DPP10: variants seen among roughly 807,000 people sequenced by gnomAD.
DPP10 encodes the protein inactive dipeptidyl peptidase 10.
In DPP10, 33 loss-of-function variants were observed where a neutral mutation model predicts 120.9. The observed-to-expected ratio is 0.27, with a 90% CI of 0.21 to 0.37. The LOEUF (loss-of-function observed/expected upper bound fraction) is 0.37, where lower values mean the gene tolerates loss of function less well. Among genes scored for constraint, DPP10 ranks in the 10% least tolerant of loss-of-function variants. The pLI, the probability that DPP10 is intolerant of heterozygous loss-of-function variation, is 1.00. For synonymous variants in DPP10, 337 were observed against 326.1 expected, an observed-to-expected ratio of 1.03 and a Z score of -0.36; for missense variants, 816 against 942.8, an observed-to-expected ratio of 0.87 and a Z score of 1.76.
intron 1 of DPP10, among the ~76,000 whole-genome samples, chr2:114,594,424 A>ATATGTAAAAGG (rs1691725477): frequency 6.7e-6 from 1 of 148,754 alleles, no homozygotes; most frequent in African/African-American, 2.4e-5. Flanking sequence ...GTGAATACAT[A>ATATGTAAAAGG]TATGTAAAAG....
At chr2:114,937,619 C>A (rs765268292) in intron 1 of DPP10, among the ~76,000 whole-genome samples, 1 of 152,118 alleles carries the variant, frequency 6.6e-6, no homozygotes, top group Non-Finnish European at 1.5e-5. Flanking sequence ...GGTCTTGTGC[C>A]GGTCTTTAGC....
At chr2:114,551,382 C>G (rs977418049) in intron 1 of DPP10, among the ~76,000 whole-genome samples, 1 of 152,158 alleles carries the variant, frequency 6.6e-6, no homozygotes, top group Non-Finnish European at 1.5e-5. Flanking sequence ...CTCAAGTGAT[C>G]AAGGCTATAA....
At chr2:114,724,344 C>T (rs929414846) in intron 1 of DPP10, among the ~76,000 whole-genome samples, 9 of 152,184 alleles carry the variant, frequency 5.9e-5, no homozygotes, top group Non-Finnish European at 1.0e-4. Flanking sequence ...TCAATGTTAT[C>T]GCTGTATTGT....
At chr2:114,746,443 C>A (rs1220243019) in intron 1 of DPP10, among the ~76,000 whole-genome samples, 1 of 152,098 alleles carries the variant, frequency 6.6e-6, no homozygotes, top group Admixed American at 6.6e-5. Context: ...AAAATCAATA[C>A]ATTTGTTAAC....
intron 1 of DPP10, among the ~76,000 whole-genome samples, chr2:115,229,752 A>ATTCTATTCTT (rs2057642454): frequency 7.3e-6 from 1 of 136,198 alleles, no homozygotes; most frequent in Non-Finnish European, 1.6e-5. Flanking sequence ...ATTCTATTCT[A>ATTCTATTCTT]TTGGTCTATG....
intron 5 of DPP10, among the ~76,000 whole-genome samples, chr2:115,622,748 G>C (rs552015467): frequency 6.7e-6 from 1 of 150,350 alleles, no homozygotes; most frequent in East Asian, 1.9e-4. Flanking sequence ...CATTTCAGTG[G>C]ATCCCTAATG....
At chr2:114,954,326 A>G (rs912762370) in intron 1 of DPP10, among the ~76,000 whole-genome samples, 14 of 151,622 alleles carry the variant, frequency 9.2e-5, no homozygotes, top group Middle Eastern at 3.2e-3. Flanking sequence ...CTCATGATCC[A>G]CCCACCTCGG....
chr2:114,484,455 T>C (rs1681323296), intron 1 of DPP10, among the ~76,000 whole-genome samples: 1 of 152,148 alleles, frequency 6.6e-6, no homozygotes, highest in Non-Finnish European at 1.5e-5. Context: ...ATTTTTGAGG[T>C]CTTAATAACA....
chr2:115,832,576 C>CTA (rs1689041338), intron 21 of DPP10, among the ~76,000 whole-genome samples: 1 of 152,104 alleles, frequency 6.6e-6, no homozygotes, highest in Non-Finnish European at 1.5e-5. Flanking sequence ...ATTTTAAATG[C>CTA]TATAAATAGA....
intron 5 of DPP10, among the ~76,000 whole-genome samples, chr2:115,643,971 G>T (rs375253983): frequency 3.3e-5 from 5 of 152,046 alleles, no homozygotes; most frequent in Non-Finnish European, 5.9e-5. Flanking sequence ...GTACTTTCCT[G>T]TCATTGCCAT....
intron 1 of DPP10, among the ~76,000 whole-genome samples, chr2:114,994,437 G>A (rs1339040282): frequency 1.3e-5 from 2 of 152,044 alleles, no homozygotes; most frequent in Non-Finnish European, 2.9e-5. Context: ...AACTTATATT[G>A]GGTATTTCTT....
chr2:114,887,066 T>A (rs1692134235), intron 1 of DPP10, among the ~76,000 whole-genome samples: 1 of 152,214 alleles, frequency 6.6e-6, no homozygotes, highest in African/African-American at 2.4e-5. Flanking sequence ...CCATTCCACC[T>A]TCATTATTTC....
chr2:115,731,880 T>C (rs2092919345), intron 8 of DPP10, among the ~76,000 whole-genome samples: 2 of 152,132 alleles, frequency 1.3e-5, no homozygotes, highest in Admixed American at 6.5e-5. Context: ...TATTCAGATG[T>C]TTTTGATTTT....
At chr2:114,865,678 G>T (rs983739034) in intron 1 of DPP10, among the ~76,000 whole-genome samples, 7 of 152,158 alleles carry the variant, frequency 4.6e-5, no homozygotes, top group African/African-American at 1.7e-4. Context: ...AGAGGGAACA[G>T]GAAGGAAGAT....
intron 1 of DPP10, among the ~76,000 whole-genome samples, chr2:114,734,065 A>G (rs1388794094): frequency 6.6e-6 from 1 of 152,200 alleles, no homozygotes; most frequent in Admixed American, 6.6e-5. Flanking sequence ...TTACTTTCCA[A>G]TCTGACCCTG....
At chr2:115,029,633 C>T (rs1703706006) in intron 1 of DPP10, among the ~76,000 whole-genome samples, 1 of 151,646 alleles carries the variant, frequency 6.6e-6, no homozygotes, top group Admixed American at 6.6e-5. Flanking sequence ...AGTGTTGGTT[C>T]TTATAGGATA....
intron 1 of DPP10, among the ~76,000 whole-genome samples, chr2:114,509,293 T>C (rs1683940548): frequency 6.6e-6 from 1 of 152,216 alleles, no homozygotes; most frequent in African/African-American, 2.4e-5. Context: ...AGACAAATCA[T>C]AATTGTTATG....
intron 1 of DPP10, among the ~76,000 whole-genome samples, chr2:114,897,948 C>T (rs1196296093): frequency 6.6e-6 from 1 of 152,088 alleles, no homozygotes; most frequent in African/African-American, 2.4e-5. Flanking sequence ...GGCAATTCCT[C>T]AGGGATCTAG....
intron 11 of DPP10, among the ~76,000 whole-genome samples, chr2:115,760,322 A>C (rs377718662): frequency 6.6e-6 from 1 of 152,228 alleles, no homozygotes; most frequent in African/African-American, 2.4e-5. Flanking sequence ...TACAGAGTAC[A>C]TAATAGGTAT....
Sources: allele counts gnomAD v4.1 joint callset (sites outside exome capture counted in the v4.1 genomes callset), GRCh38; gene constraint gnomAD v4.1.1; transcripts MANE v1.5; gene names NCBI Gene and HGNC (gene_info 2026-07-23, HGNC 2026-07-21).